The following ADAMTS17 variants were observed in gnomAD, a reference collection of about 807,000 sequenced individuals.
ADAMTS17 encodes ADAM metallopeptidase with thrombospondin type 1 motif 17.
Under a neutral mutation model 141.5 loss-of-function variants are expected in ADAMTS17, and 113 were observed. That is an observed-to-expected ratio of 0.80 (90% CI 0.69 to 0.93). The LOEUF (loss-of-function observed/expected upper bound fraction) is 0.93. ADAMTS17 is among the 40% of genes least tolerant of loss of function. The pLI is 0.00. For synonymous variants in ADAMTS17, 768 were observed against 630.6 expected, an observed-to-expected ratio of 1.22 and a Z score of -3.27; for missense variants, 1,659 against 1,517.9, an observed-to-expected ratio of 1.09 and a Z score of -1.54.
At chr15:100,259,192 C>A (rs957283416) in intron 6 of ADAMTS17, among the ~76,000 whole-genome samples, 5 of 152,180 alleles carry the variant, frequency 3.3e-5, no homozygotes, top group African/African-American at 1.2e-4. Context: ...GTTTAGAGTT[C>A]CTCTCTAGGA....
intron 18 of ADAMTS17, among the ~76,000 whole-genome samples, chr15:100,003,147 C>T (rs2727126): frequency 0.053 from 8,006 of 152,104 alleles, 674 homozygotes; most frequent in African/African-American, 0.17. Context: ...TGGGGGACCT[C>T]GAGTCTCCCC....
At chr15:100,335,265 C>T (rs186417160) in intron 2 of ADAMTS17, among the ~76,000 whole-genome samples, 56 of 152,310 alleles carry the variant, frequency 3.7e-4, no homozygotes, top group African/African-American at 1.3e-3. Context: ...ACCCAGAGAC[C>T]TGCCCCATTT....
chr15:100,074,415 C>T (rs955767780), intron 15 of ADAMTS17, among the ~76,000 whole-genome samples: 2 of 152,030 alleles, frequency 1.3e-5, no homozygotes, highest in African/African-American at 4.8e-5. Context: ...ACATTATTCT[C>T]ATATGAAGAG....
chr15:100,297,208 G>A (rs1443898477), intron 3 of ADAMTS17, among the ~76,000 whole-genome samples: 1 of 152,190 alleles, frequency 6.6e-6, no homozygotes, highest in Admixed American at 6.5e-5. Flanking sequence ...GTATGTTCTA[G>A]AAACTGCAAG....
chr15:100,072,517 C>T (rs2034051055), intron 15 of ADAMTS17, among the ~76,000 whole-genome samples: 2 of 152,032 alleles, frequency 1.3e-5, no homozygotes, highest in Middle Eastern at 6.8e-3. Context: ...TACTACAAGG[C>T]TACAGTAACC....
At chr15:100,017,325 C>T (rs751161145) in intron 18 of ADAMTS17, among the ~76,000 whole-genome samples, 7 of 152,202 alleles carry the variant, frequency 4.6e-5, no homozygotes, top group Non-Finnish European at 8.8e-5. Context: ...TTGTTTCTGC[C>T]CCCACCTGTG....
intron 7 of ADAMTS17, among the ~76,000 whole-genome samples, chr15:100,205,727 C>T (rs1241206168): frequency 6.6e-6 from 1 of 152,238 alleles, no homozygotes. Context: ...CTGTATGTGA[C>T]ACAGGCCTTG....
intron 7 of ADAMTS17, among the ~76,000 whole-genome samples, chr15:100,233,380 C>T (rs10902565): frequency 0.26 from 38,760 of 151,626 alleles, 5,067 homozygotes; most frequent in South Asian, 0.34. Flanking sequence ...TCATATAAGT[C>T]GCCGTTTTTT....
chr15:100,008,536 G>A (rs1194177426), intron 18 of ADAMTS17, among the ~76,000 whole-genome samples: 1 of 152,246 alleles, frequency 6.6e-6, no homozygotes, highest in Non-Finnish European at 1.5e-5. Context: ...GAGGACACCT[G>A]AGGGGAAGGC....
At chr15:100,064,215 C>T (rs988910411) in intron 15 of ADAMTS17, among the ~76,000 whole-genome samples, 7 of 152,148 alleles carry the variant, frequency 4.6e-5, no homozygotes, top group Non-Finnish European at 5.9e-5. Flanking sequence ...AGCCAAGGAA[C>T]GCCACAGACT....
rs753002400 is a variant in ADAMTS17 at position 100,096,364 on chromosome 15, C to CG, written c.2128dup (p.Arg710ProfsTer10). 11 of 1,613,658 alleles carry CG rather than the reference C, an allele frequency of 6.8e-6. No individual in the cohort carries two copies. The highest frequency in any genetic ancestry group is 9.3e-6 in the Non-Finnish European group (11 of 1,180,042). ...CATGGGCCAACACTCACCTGTCCCCCGGGCGTGGCTGAAGTCGCCCTTCAC... is the reference window on the plus strand; with the variant it reads ...CATGGGCCAACACTCACCTGTCCCCCGGGGCGTGGCTGAAGTCGCCCTTCAC... On this transcript the variant is annotated frameshift_variant, in exon 15 of 22. Transcript: ENST00000268070. LOFTEE classifies it high-confidence loss of function.
chr15:100,317,793 T>C (rs905604139), intron 3 of ADAMTS17, among the ~76,000 whole-genome samples: 27 of 152,230 alleles, frequency 1.8e-4, no homozygotes, highest in Admixed American at 4.6e-4. Context: ...TCTGTTCCTC[T>C]GCCATGGGTG....
chr15:100,043,395 T>G (rs1450086181), intron 18 of ADAMTS17, among the ~76,000 whole-genome samples: 1 of 152,184 alleles, frequency 6.6e-6, no homozygotes, highest in Non-Finnish European at 1.5e-5. Context: ...AATCGAATAT[T>G]TATCAAGTTA....
chr15:100,306,424 C>G, intron 3 of ADAMTS17: 2 of 454,106 alleles, frequency 4.4e-6, no homozygotes, highest in South Asian at 1.6e-5. Flanking sequence ...AAGGTATGGA[C>G]GCCAAGCTGC....
rs1171489401 is a variant in ADAMTS17 at position 99,976,054 on chromosome 15, G to C, written c.3118C>G (p.Pro1040Ala). The C allele has an allele frequency of 1.3e-6, 2 of 1,550,848 alleles. No homozygotes were observed. Among genetic ancestry groups the C allele is most frequent in the Non-Finnish European group, 8.7e-7 (1 of 1,146,458 alleles). The change falls in exon 21 of 22, where the codon CCC (proline) becomes GCC (alanine). Residue 1040 changes from proline to alanine, a missense_variant. By Grantham distance (27) the Pro-to-Ala change is conservative. Coordinates refer to ENST00000268070, the MANE Select transcript of ADAMTS17 (RefSeq NM_139057.4). ...CAGTGAAGACACTCACCAAGGCGGG[G>C]GGAGGTGATGGTGTTGGCGTTGATC... ...DRINANTITS[P>A]RLAALTYKCT...
chr15:100,071,974 T>C (rs1259050368), intron 15 of ADAMTS17, among the ~76,000 whole-genome samples: 1 of 150,236 alleles, frequency 6.7e-6, no homozygotes, highest in African/African-American at 2.5e-5. Flanking sequence ...TTGTCCCTGT[T>C]TGCAGATGAC....
intron 15 of ADAMTS17, among the ~76,000 whole-genome samples, chr15:100,060,948 T>C (rs376036230): frequency 6.6e-6 from 1 of 152,004 alleles, no homozygotes; most frequent in African/African-American, 2.4e-5. Flanking sequence ...ACATAATGAG[T>C]GTGGACCACC....
At position 100,000,733 on chromosome 15, in the gene ADAMTS17, G is replaced by A. The variant is rs545913025; in HGVS notation, c.2592-3144C>T. Among the ~76,000 whole-genome samples, 16 of 152,024 alleles carry A rather than the reference G, an allele frequency of 1.1e-4. No homozygotes were observed. The South Asian group carries it at 2.9e-3, about 28-fold the overall frequency. ...TCACCATGTTGGTCAGGCTGGTCTC[G>A]AACTCCTGACCTTAAGTGATCCACC... is the stretch of plus-strand genomic sequence containing the variant. On this transcript the variant is annotated intron_variant, in intron 18 of 21. Transcript: ENST00000268070.
intron 7 of ADAMTS17, among the ~76,000 whole-genome samples, chr15:100,247,045 G>A (rs1190141887): frequency 6.6e-6 from 1 of 151,868 alleles, no homozygotes; most frequent in Admixed American, 6.6e-5. Flanking sequence ...CACCACACCC[G>A]GATAATTTTT....
Sources: gnomAD v4.1 joint callset for allele counts (sites outside exome capture counted in the v4.1 genomes callset) on GRCh38, gnomAD v4.1.1 for gene constraint, MANE v1.5 for transcripts, NCBI Gene and HGNC (gene_info 2026-07-23, HGNC 2026-07-21) for gene names.